MSR1: variants seen among roughly 807,000 people sequenced by gnomAD.
The protein encoded by MSR1 is macrophage scavenger receptor 1.
Under a neutral mutation model 47.2 loss-of-function variants are expected in MSR1, and 53 were observed. The ratio of observed to expected loss-of-function variants is 1.12; its 90% CI spans 0.90 to 1.41. The LOEUF is 1.41. Among genes scored for constraint, MSR1 ranks in the 40% most tolerant of loss-of-function variants. MSR1 has a pLI of 0.00. For synonymous variants in MSR1, 239 were observed against 185.6 expected (o/e 1.29, Z -2.34); for missense variants, 786 against 546.9 (o/e 1.44, Z -4.36).
chr8:16,153,450 A>G (rs1800915771), intron 6 of MSR1, among the ~76,000 whole-genome samples: 1 of 152,024 alleles, frequency 6.6e-6, no homozygotes. Flanking sequence ...CCTGTCTTTT[A>G]TGAGGAACTG....
rs139093411 is a variant in MSR1, at chr8:16,170,107, T to C, written c.218-1237A>G. 3.4e-3 allele frequency among the ~76,000 whole-genome samples: 519 copies of C among 152,246 alleles called. 4 individuals are homozygous for C. The highest frequency in any genetic ancestry group is 0.012 in the African/African-American group (479 of 41,552). ...GCTCATGCCTGTAATCCCAGCACTT[T>C]GGGAGGCGCAGGGAGGTGGATCCCC... On this transcript the variant is annotated intron_variant, in intron 3 of 9. Transcript: ENST00000262101.
At chr8:16,134,455 A>C (rs1430113599) in intron 8 of MSR1, among the ~76,000 whole-genome samples, 2 of 152,138 alleles carry the variant, frequency 1.3e-5, no homozygotes, top group Non-Finnish European at 2.9e-5. Context: ...ACCACAAACC[A>C]TGCCCGTAAA....
chr8:16,189,292 TTTAC>T (rs1213742784), intron 1 of MSR1, among the ~76,000 whole-genome samples: 1 of 134,436 alleles, frequency 7.4e-6, no homozygotes, highest in African/African-American at 2.7e-5. Flanking sequence ...TAAAATCTTA[TTTAC>T]ATTTCATATA....
At chr8:16,183,880 T>A (rs1010465797) in intron 1 of MSR1, among the ~76,000 whole-genome samples, 3 of 142,590 alleles carry the variant, frequency 2.1e-5, no homozygotes, top group East Asian at 2.1e-4. Context: ...ATATTTATAT[T>A]ATTATATAAT....
At position 16,120,610 on chromosome 8, in the gene MSR1, TAAAGTTA is replaced by T; in HGVS notation, c.1034-11_1034-5del. 6.7e-7 allele frequency: 1 copy of T among 1,483,680 alleles called. No individual in the cohort carries two copies. Among genetic ancestry groups the T allele is most frequent in the South Asian group, 1.3e-5 (1 of 79,596 alleles). 91.9% of individuals were successfully genotyped at this position (1,483,680 alleles called of 1,614,324 possible). On this transcript the variant is annotated splice_region_variant and splice_polypyrimidine_tract_variant and intron_variant, in intron 8 of 9. Coordinates refer to ENST00000262101, the MANE Select transcript of MSR1 (RefSeq NM_138715.3). ...AGTCGAACTTTCGTAAATGGAGCTG[TAAAGTTA>T]AAAAAAAAAAAAAAAAAAAAAAAAG...
At chr8:16,137,284 G>A (rs1200449771) in intron 8 of MSR1, among the ~76,000 whole-genome samples, 1 of 152,056 alleles carries the variant, frequency 6.6e-6, no homozygotes, top group African/African-American at 2.4e-5. Context: ...AGTTATGAAG[G>A]TGGAAACACA....
chr8:16,132,205 C>T (rs1208991521), intron 8 of MSR1, among the ~76,000 whole-genome samples: 1 of 151,806 alleles, frequency 6.6e-6, no homozygotes, highest in East Asian at 1.9e-4. Context: ...GTCCTTCACT[C>T]CCCTTTTTAG....
chr8:16,188,967 CATATATATAT>C (rs200739372), intron 1 of MSR1, among the ~76,000 whole-genome samples: 8,413 of 122,228 alleles, frequency 0.069, 675 homozygotes, highest in East Asian at 0.33. Flanking sequence ...AACACACATA[CATATATATAT>C]ATATATATAT....
At chr8:16,148,814 G>T (rs1800768840) in intron 7 of MSR1, among the ~76,000 whole-genome samples, 1 of 152,094 alleles carries the variant, frequency 6.6e-6, no homozygotes, top group African/African-American at 2.4e-5. Context: ...TAAACAAATT[G>T]TGGTAAATCC....
chr8:16,165,947 T>C (rs191916361), intron 4 of MSR1, among the ~76,000 whole-genome samples: 31 of 152,220 alleles, frequency 2.0e-4, no homozygotes, highest in African/African-American at 7.2e-4. Context: ...ATCATTACAA[T>C]AAAGGTGAAA....
rs1276267530 is a variant in MSR1 at position 16,120,702 on chromosome 8, A to C, written c.1034-96T>G. 2 of 1,392,590 alleles carry C rather than the reference A, an allele frequency of 1.4e-6. 1 individual carries two copies. The highest frequency in any genetic ancestry group is 2.7e-5 in the South Asian group (2 of 74,392). The allele number at this position is 1,392,590 out of a possible 1,614,324, so 86.3% of individuals were successfully genotyped here. Reference sequence around the variant, plus strand: ...CAGCACTTTTTTTTTAAACACAAAAAAATGTTTAGCACATTTTCCAAATAA... The same window carrying C: ...CAGCACTTTTTTTTTAAACACAAAACAATGTTTAGCACATTTTCCAAATAA... On this transcript the variant is annotated intron_variant, in intron 8 of 9. Transcript: ENST00000262101.
At chr8:16,163,981 A>T in intron 5 of MSR1, 84 bp downstream of exon 5, 1 of 1,086,372 alleles carries the variant, frequency 9.2e-7, no homozygotes, top group Non-Finnish European at 1.3e-6. Flanking sequence ...TTCAAACCAT[A>T]GGATTTCAAA....
At chr8:16,138,150 G>A (rs965563267) in intron 8 of MSR1, among the ~76,000 whole-genome samples, 1 of 152,142 alleles carries the variant, frequency 6.6e-6, no homozygotes, top group Non-Finnish European at 1.5e-5. Flanking sequence ...ATCGTTGTTT[G>A]AGTTTTAGAT....
At chr8:16,164,436 T>C (rs1472962284) in intron 4 of MSR1, among the ~76,000 whole-genome samples, 185 bp from the exon 5 acceptor site, 1 of 151,946 alleles carries the variant, frequency 6.6e-6, no homozygotes, top group African/African-American at 2.4e-5. Context: ...CATTTCCTCT[T>C]TTGACTGAAT....
chr8:16,144,130 C>T lies in MSR1; in HGVS notation c.980-519G>A, dbSNP rs535308423. ...GGAGCGTTCACATCTCCAGGATGAT[C>T]ACCTTTGGTTTTGAGAAACCTCACC... On this transcript the variant is annotated intron_variant, in intron 7 of 9. Coordinates refer to ENST00000262101, the MANE Select transcript of MSR1 (RefSeq NM_138715.3). Among the ~76,000 whole-genome samples, 5 of 152,194 alleles carry T rather than the reference C, an allele frequency of 3.3e-5. No homozygotes were observed. In the South Asian group the frequency reaches 1.0e-3, roughly 32 times the overall value.
chr8:16,124,232 T>C (rs576711198), intron 8 of MSR1, among the ~76,000 whole-genome samples: 4 of 152,264 alleles, frequency 2.6e-5, no homozygotes, highest in South Asian at 4.2e-4. Flanking sequence ...TGGGGAGGCA[T>C]TTCCTTGTTG....
intron 1 of MSR1, chr8:16,186,262 A>C: frequency 2.1e-5 from 31 of 1,443,810 alleles, no homozygotes; most frequent in Non-Finnish European, 2.7e-5. Flanking sequence ...CCAACGTCTC[A>C]ACAGCAGAGT....
chr8:16,155,593 G>C (rs1020542939), intron 5 of MSR1, among the ~76,000 whole-genome samples: 4 of 151,952 alleles, frequency 2.6e-5, no homozygotes, highest in Admixed American at 1.3e-4. Flanking sequence ...ATTCACACAT[G>C]GTAGACAACC....
chr8:16,184,261 C>G (rs927108271), intron 1 of MSR1, among the ~76,000 whole-genome samples: 1 of 151,978 alleles, frequency 6.6e-6, no homozygotes, highest in Non-Finnish European at 1.5e-5. Context: ...ATTCAGGTAA[C>G]TTCCTGTCTC....
Sources: gnomAD v4.1 joint callset for allele counts (sites outside exome capture counted in the v4.1 genomes callset) on GRCh38, gnomAD v4.1.1 for gene constraint, MANE v1.5 for transcripts, NCBI Gene and HGNC (gene_info 2026-07-23, HGNC 2026-07-21) for gene names.